KAZN: variants seen among roughly 807,000 people sequenced by gnomAD.
The protein encoded by KAZN is kazrin.
Under a neutral mutation model 87.4 loss-of-function variants are expected in KAZN, and 40 were observed. That is an observed-to-expected ratio of 0.46 (90% CI 0.36 to 0.60). KAZN has a LOEUF of 0.60. Ranked by LOEUF, KAZN falls within the 20% of genes least tolerant of loss-of-function variation. The pLI is 0.00. For missense variants in KAZN, 898 were observed against 1,073.9 expected, an observed-to-expected ratio of 0.84 and a Z score of 2.29; for synonymous variants, 466 against 458.3, an observed-to-expected ratio of 1.02 and a Z score of -0.22.
At chr1:14,016,106 C>T (rs2101220397) in intron 1 of KAZN, among the ~76,000 whole-genome samples, 1 of 152,288 alleles carries the variant, frequency 6.6e-6, no homozygotes, top group African/African-American at 2.4e-5. Flanking sequence ...CAGGCAAGCT[C>T]ATTAGAGCAT....
chr1:14,115,186 C>G (rs1358726721), intron 1 of KAZN, among the ~76,000 whole-genome samples: 2 of 152,250 alleles, frequency 1.3e-5, no homozygotes, highest in Admixed American at 6.5e-5. Flanking sequence ...CAGACAGCCA[C>G]TTTCTCACTG....
chr1:14,133,381 GAAA>G (rs1645037726), intron 1 of KAZN, among the ~76,000 whole-genome samples: 1 of 15,248 alleles, frequency 6.6e-5, no homozygotes, highest in African/African-American at 3.3e-4. Context: ...AAAAAAAAAA[GAAA>G]GAAAGAAAGA....
chr1:14,002,895 C>T (rs1308378830), intron 1 of KAZN, among the ~76,000 whole-genome samples: 1 of 152,164 alleles, frequency 6.6e-6, no homozygotes, highest in African/African-American at 2.4e-5. Context: ...ACTATAAAGA[C>T]ACACGCACAC....
intron 1 of KAZN, among the ~76,000 whole-genome samples, chr1:14,720,359 G>C (rs185530119): frequency 5.3e-5 from 8 of 152,284 alleles, no homozygotes; most frequent in Non-Finnish European, 8.8e-5. Context: ...ATACCTCCAA[G>C]TCCCTAATGC....
chr1:14,414,583 G>A (rs1355364882), intron 2 of KAZN, among the ~76,000 whole-genome samples: 2 of 152,082 alleles, frequency 1.3e-5, no homozygotes, highest in Non-Finnish European at 2.9e-5. Flanking sequence ...TAAGTTTGAA[G>A]AAATGTAAAA....
chr1:14,890,227 G>C (rs974843429), intron 1 of KAZN, among the ~76,000 whole-genome samples: 1 of 152,186 alleles, frequency 6.6e-6, no homozygotes, highest in African/African-American at 2.4e-5. Flanking sequence ...GGCTGGTCAA[G>C]GCAATTGAAA....
intron 2 of KAZN, among the ~76,000 whole-genome samples, chr1:14,189,040 A>G (rs2100351580): frequency 6.6e-6 from 1 of 152,264 alleles, no homozygotes; most frequent in Non-Finnish European, 1.5e-5. Context: ...GGTGTTGCTA[A>G]GTGTCGTCAT....
At chr1:14,633,631 T>G (rs1462567995) in intron 1 of KAZN, among the ~76,000 whole-genome samples, 5 of 152,148 alleles carry the variant, frequency 3.3e-5, no homozygotes, top group African/African-American at 9.7e-5. Flanking sequence ...TTTGTGGTGA[T>G]TTGTTGCAGC....
chr1:14,633,325 C>T (rs1388690794), intron 1 of KAZN, among the ~76,000 whole-genome samples: 1 of 152,062 alleles, frequency 6.6e-6, no homozygotes, highest in African/African-American at 2.4e-5. Flanking sequence ...AGATGTGGAC[C>T]CAATGTCATC....
At chr1:13,903,566 AT>A (rs1639327899) in intron 1 of KAZN, among the ~76,000 whole-genome samples, 1 of 152,178 alleles carries the variant, frequency 6.6e-6, no homozygotes, top group South Asian at 2.1e-4. Flanking sequence ...GCCAGGCTAG[AT>A]TCCACTTGGC....
At chr1:14,354,630 A>G (rs1658840064) in intron 2 of KAZN, among the ~76,000 whole-genome samples, 1 of 146,678 alleles carries the variant, frequency 6.8e-6, no homozygotes, top group African/African-American at 2.5e-5. Context: ...TGCATCTATT[A>G]GAATAGCTAA....
intron 2 of KAZN, among the ~76,000 whole-genome samples, chr1:14,509,910 A>C (rs533966692): frequency 2.0e-5 from 3 of 152,226 alleles, no homozygotes; most frequent in Non-Finnish European, 4.4e-5. Flanking sequence ...GGAGCAAGCC[A>C]TGCAAAAGCT....
intron 1 of KAZN, among the ~76,000 whole-genome samples, chr1:14,829,454 C>T (rs1646992247): frequency 6.6e-6 from 1 of 152,156 alleles, no homozygotes; most frequent in Non-Finnish European, 1.5e-5. Context: ...CCTATAATCC[C>T]AGCTACTCGG....
intron 2 of KAZN, among the ~76,000 whole-genome samples, chr1:14,413,115 T>TA (rs1261273374): frequency 6.6e-6 from 1 of 150,484 alleles, no homozygotes; most frequent in Admixed American, 6.6e-5. Flanking sequence ...TATATGAACT[T>TA]AATCTATGAT....
chr1:14,133,382 A>G (rs1397605687), intron 1 of KAZN, among the ~76,000 whole-genome samples: 1 of 14,784 alleles, frequency 6.8e-5, no homozygotes, highest in South Asian at 2.6e-3. Context: ...AAAAAAAAAG[A>G]AAGAAAGAAA....
chr1:14,853,179 C>A (rs938906047), intron 1 of KAZN, among the ~76,000 whole-genome samples: 1 of 152,150 alleles, frequency 6.6e-6, no homozygotes, highest in African/African-American at 2.4e-5. Flanking sequence ...AGACTAGGTC[C>A]CTCCCCCAGG....
chr1:14,147,059 T>C (rs922815658), intron 1 of KAZN, among the ~76,000 whole-genome samples: 1 of 152,242 alleles, frequency 6.6e-6, no homozygotes, highest in Non-Finnish European at 1.5e-5. Flanking sequence ...AAATATATTT[T>C]CTTTTCCTTT....
intron 1 of KAZN, among the ~76,000 whole-genome samples, chr1:13,959,682 A>G (rs74454038): frequency 4.6e-4 from 70 of 152,182 alleles, no homozygotes; most frequent in Middle Eastern, 6.8e-3. Context: ...TAGATCACAG[A>G]TGCTTCTTTC....
chr1:14,565,118 C>T (rs1004755072), intron 2 of KAZN, among the ~76,000 whole-genome samples: 1 of 152,140 alleles, frequency 6.6e-6, no homozygotes, highest in Non-Finnish European at 1.5e-5. Flanking sequence ...ATTACCCATA[C>T]AGTTGGAGAC....
Sources: allele counts gnomAD v4.1 joint callset (sites outside exome capture counted in the v4.1 genomes callset), GRCh38; gene constraint gnomAD v4.1.1; transcripts MANE v1.5; gene names NCBI Gene and HGNC (gene_info 2026-07-23, HGNC 2026-07-21).